The following MAP3K12 variants were observed in gnomAD, a reference collection of about 807,000 sequenced individuals.
MAP3K12 encodes the protein MAPK-upstream kinase.
In MAP3K12, 14 loss-of-function variants were observed where a neutral mutation model predicts 87.5. That is an observed-to-expected ratio of 0.16 (90% CI 0.11 to 0.25). MAP3K12 has a LOEUF of 0.25. MAP3K12 is among the 10% of genes least tolerant of loss of function. MAP3K12 has a pLI of 1.00. For synonymous variants in MAP3K12, 469 were observed against 452.5 expected (o/e 1.04, Z -0.46); for missense variants, 802 against 1,140.4 (o/e 0.70, Z 4.27).
chr12:53,485,302 C>T lies in MAP3K12; in HGVS notation c.980+15G>A, dbSNP rs754452239. ...CTGGCCACCCACTCTTCTCAGTTTT[C>T]AGCCTAGTTCTCACCAGATGTCGAC... On this transcript the variant is annotated intron_variant, in intron 5 of 13. Transcript: ENST00000547488. The T allele has an allele frequency of 7.5e-6, 12 of 1,609,848 alleles. No individual in the cohort carries two copies. The African/African-American group carries it at 1.1e-4, about 14-fold the overall frequency.
chr12:53,482,969 C>T lies in MAP3K12; in HGVS notation c.1834G>A (p.Gly612Ser). 1 of 1,586,938 alleles carries T rather than the reference C, an allele frequency of 6.3e-7. No individual in the cohort carries two copies. The highest frequency in any genetic ancestry group is 1.1e-5 in the South Asian group (1 of 88,620). ...CAGGCTGAGGGTCCCCCTCCTAGGCCCCCTGGGCTTCCTGGTCCTCCAGGT... is the reference window on the plus strand; with the variant it reads ...CAGGCTGAGGGTCCCCCTCCTAGGCTCCCTGGGCTTCCTGGTCCTCCAGGT... The part of the protein sequence containing the change: ...HEPGGPGSPG[G>S]LGGGPSAWEA... Residue 612 changes from glycine (G) to serine (S), a missense_variant, in exon 11 of 14, where the codon GGC becomes AGC. Gly to Ser is a moderately conservative substitution (Grantham distance 56). This residue lies in a region of MAP3K12 where 490 missense variants were observed against 496.6 expected (regional missense o/e 0.99). Transcript: ENST00000547488.
At chr12:53,492,239 C>T (rs1943433148) in intron 1 of MAP3K12, among the ~76,000 whole-genome samples, 1 of 152,244 alleles carries the variant, frequency 6.6e-6, no homozygotes, top group African/African-American at 2.4e-5. Flanking sequence ...CCCCACTATG[C>T]GTCCTCTATC....
rs796169121 is a variant in MAP3K12 at position 53,491,301 on chromosome 12, A to AAAAAAAAAAAAAAAG, written c.-37-3874_-37-3873insCTTTTTTTTTTTTTT. ...AGACTCTGTCTCAAAAAAAAAAAAA[A>AAAAAAAAAAAAAAAG]AAAAGAAAAGAAAAGAAAAACAGGC... On this transcript the variant is annotated intron_variant, in intron 1 of 13. Coordinates refer to ENST00000547488, the MANE Select transcript of MAP3K12 (RefSeq NM_001193511.2). 4.1e-3 allele frequency among the ~76,000 whole-genome samples: 415 copies of AAAAAAAAAAAAAAAG among 101,510 alleles called. 53 individuals are homozygous for AAAAAAAAAAAAAAAG. The highest frequency in any genetic ancestry group is 0.012 in the African/African-American group (330 of 26,572). The allele number at this position is 101,510 out of a possible 152,430, so 66.6% of individuals were successfully genotyped here.
Position 53,480,622 on chromosome 12 carries a change from A to G in MAP3K12, c.*560T>C, listed in dbSNP as rs1394854490. On this transcript the variant is annotated 3_prime_UTR_variant, in exon 14 of 14. Coordinates refer to ENST00000547488, the MANE Select transcript of MAP3K12 (RefSeq NM_001193511.2). ...CCCCGGTTCTTCAGCCTGAGCCATC[A>G]CATGCTATCAGTCTCCTAACCTCCC... 3.3e-5 allele frequency: 5 copies of G among 152,640 alleles called. No individual in the cohort carries two copies. Among genetic ancestry groups the G allele is most frequent in the Non-Finnish European group, 2.9e-5 (2 of 68,090 alleles). The allele number at this position is 152,640 out of a possible 1,614,324, so 9.5% of individuals were successfully genotyped here.
chr12:53,484,410 G>A (rs751347608), intron 6 of MAP3K12, 45 bp from the exon 7 acceptor site: 13 of 1,414,346 alleles, frequency 9.2e-6, no homozygotes, highest in Non-Finnish European at 1.3e-5. Context: ...ATTTGAGGGA[G>A]GATCAGATAG....
intron 1 of MAP3K12, among the ~76,000 whole-genome samples, chr12:53,488,758 G>A (rs1943316022): frequency 6.6e-6 from 1 of 152,150 alleles, no homozygotes. Context: ...TTGGGAGGCT[G>A]AGGCAGGTGG....
intron 1 of MAP3K12, among the ~76,000 whole-genome samples, chr12:53,491,301 A>AAAAAAAAAGAAAAG (rs796169121): frequency 9.8e-6 from 1 of 101,568 alleles, no homozygotes; most frequent in African/African-American, 3.8e-5. Context: ...AAAAAAAAAA[A>AAAAAAAAAGAAAAG]AAAAGAAAAG....
chr12:53,481,378 G>C (rs1943036326), intron 13 of MAP3K12, 98 bp from the exon 14 acceptor site: 1 of 536,572 alleles, frequency 1.9e-6, no homozygotes, highest in Non-Finnish European at 2.9e-6. Context: ...TTAAGACAGA[G>C]TCTCACTCTC....
At chr12:53,482,262 C>T in intron 12 of MAP3K12, 37 bp downstream of exon 12, 1 of 1,614,110 alleles carries the variant, frequency 6.2e-7, no homozygotes, top group Non-Finnish European at 8.5e-7. Flanking sequence ...TAGCAGAAAA[C>T]AAGAATGCCA....
intron 1 of MAP3K12, among the ~76,000 whole-genome samples, chr12:53,491,301 A>AAAAAAAAGAAAAAG (rs796169121): frequency 3.0e-5 from 3 of 101,568 alleles, no homozygotes; most frequent in Non-Finnish European, 3.8e-5. Flanking sequence ...AAAAAAAAAA[A>AAAAAAAAGAAAAAG]AAAAGAAAAG....
chr12:53,484,542 CA>C (rs1313169892), intron 6 of MAP3K12, 177 bp from the exon 7 acceptor site: 2 of 570,630 alleles, frequency 3.5e-6, no homozygotes, highest in African/African-American at 3.8e-5. Flanking sequence ...ATTAGTGTGT[CA>C]AAATCCTGCA....
chr12:53,494,386 T>C (rs1475912380), intron 1 of MAP3K12, among the ~76,000 whole-genome samples: 1 of 152,226 alleles, frequency 6.6e-6, no homozygotes, highest in Non-Finnish European at 1.5e-5. Context: ...GAGGAGGCTC[T>C]TTGGACACCC....
At chr12:53,482,234 A>G (rs1212578022) in intron 12 of MAP3K12, 23 bp from the exon 13 acceptor site, 1 of 1,614,040 alleles carries the variant, frequency 6.2e-7, no homozygotes, top group African/African-American at 1.3e-5. Flanking sequence ...GAGGGGGATT[A>G]CAGCTTGGTT....
intron 1 of MAP3K12, among the ~76,000 whole-genome samples, chr12:53,494,704 C>A (rs979382407): frequency 2.6e-5 from 4 of 152,138 alleles, no homozygotes; most frequent in African/African-American, 9.7e-5. Flanking sequence ...TTTTTTTACT[C>A]AGGAAAAGGA....
chr12:53,500,447 T>A (rs1943658936), upstream of MAP3K12: 1 of 152,270 alleles, frequency 6.6e-6, no homozygotes, highest in African/African-American at 2.4e-5. Context: ...TACAGCCTGA[T>A]TATCAGGCCC....
At chr12:53,484,899 T>C (rs1943186401) in intron 6 of MAP3K12, 157 bp downstream of exon 6, 3 of 871,934 alleles carry the variant, frequency 3.4e-6, no homozygotes, top group Non-Finnish European at 1.8e-6. Context: ...CAATTACCCC[T>C]GGTGACTCAG....
chr12:53,490,205 G>A (rs1047677955), intron 1 of MAP3K12, among the ~76,000 whole-genome samples: 1 of 152,156 alleles, frequency 6.6e-6, no homozygotes, highest in Non-Finnish European at 1.5e-5. Flanking sequence ...TCAGGAGGCT[G>A]AGGCACGAGA....
At chr12:53,490,437 A>G (rs760847094) in intron 1 of MAP3K12, among the ~76,000 whole-genome samples, 2 of 151,996 alleles carry the variant, frequency 1.3e-5, no homozygotes, top group African/African-American at 2.4e-5. Flanking sequence ...GTGAAAAGCC[A>G]TCTCTACAAA....
chr12:53,490,509 GC>G (rs1434948661), intron 1 of MAP3K12, among the ~76,000 whole-genome samples: 2 of 152,148 alleles, frequency 1.3e-5, no homozygotes, highest in African/African-American at 4.8e-5. Context: ...ACTCTGGGAG[GC>G]CGAGGCGGGC....
Sources: allele counts gnomAD v4.1 joint callset (sites outside exome capture counted in the v4.1 genomes callset), GRCh38; gene constraint gnomAD v4.1.1; regional missense constraint gnomAD v4.1.1; transcripts MANE v1.5; gene names NCBI Gene and HGNC (gene_info 2026-07-23, HGNC 2026-07-21).